Variants in TRAF2 observed in about 807,000 individuals in gnomAD.
TRAF2 encodes TNF receptor-associated factor 2.
TRAF2 carries 6 observed loss-of-function variants against 55.6 expected under a neutral mutation model. That is an observed-to-expected ratio of 0.11 (90% CI 0.06 to 0.21). The LOEUF is 0.21. TRAF2 is among the 10% of genes least tolerant of loss of function. TRAF2 has a pLI of 1.00. For synonymous variants in TRAF2, 329 were observed against 276.3 expected (o/e 1.19, Z -1.89); for missense variants, 561 against 684.5 (o/e 0.82, Z 2.01).
upstream of TRAF2, among the ~76,000 whole-genome samples, chr9:136,885,194 T>C (rs1054460855): frequency 3.9e-5 from 6 of 152,174 alleles, no homozygotes; most frequent in Admixed American, 6.6e-5. Flanking sequence ...GCGTGGCCTG[T>C]GTAAATTATG....
upstream of TRAF2, chr9:136,886,049 C>G (rs1047812785): frequency 2.6e-5 from 4 of 152,236 alleles, no homozygotes; most frequent in Non-Finnish European, 5.9e-5. Flanking sequence ...CCGCGCGCGA[C>G]GCGCGCCTCG....
intron 1 of TRAF2, among the ~76,000 whole-genome samples, chr9:136,895,749 T>C (rs1849665995): frequency 1.3e-5 from 2 of 150,240 alleles, no homozygotes; most frequent in African/African-American, 4.9e-5. Context: ...CTTGGGAGGC[T>C]GAAGCATGAG....
chr9:136,922,453 G>C, intron 9 of TRAF2: 1 of 152,856 alleles, frequency 6.5e-6, no homozygotes, highest in South Asian at 2.0e-4. Flanking sequence ...GCATTGTGGA[G>C]GCCCTGCCAC....
intron 9 of TRAF2, among the ~76,000 whole-genome samples, chr9:136,922,104 G>A (rs560661032): frequency 6.6e-6 from 1 of 152,324 alleles, no homozygotes; most frequent in South Asian, 2.1e-4. Context: ...AGCACTGGGG[G>A]CCATGGCAGT....
At chr9:136,925,412 T>G (rs919676220) in intron 10 of TRAF2, among the ~76,000 whole-genome samples, 1 of 152,248 alleles carries the variant, frequency 6.6e-6, no homozygotes, top group Non-Finnish European at 1.5e-5. Flanking sequence ...AGCTTTAGTC[T>G]AGGACTCCAG....
In TRAF2 at chr9:136,911,024, G is replaced by A. The variant is rs1031701874; in HGVS notation, c.603+1030G>A. On this transcript the variant is annotated intron_variant, in intron 6 of 10. Coordinates refer to ENST00000247668, the MANE Select transcript of TRAF2 (RefSeq NM_021138.4). The stretch of plus-strand genomic sequence containing the variant: ...GTGAGGCTGTGTCCCCTGCTGGTGG[G>A]GCCTGGAGGTGCCCCCGAGAGGTGC... 6.6e-5 allele frequency among the ~76,000 whole-genome samples: 10 copies of A among 152,242 alleles called. 1 individual carries two copies. In the East Asian group the frequency reaches 1.9e-3, roughly 29 times the overall value.
intron 8 of TRAF2, 127 bp from the exon 9 acceptor site, chr9:136,920,911 A>G (rs996588588): frequency 7.8e-5 from 90 of 1,158,646 alleles, no homozygotes; most frequent in Non-Finnish European, 9.8e-5. Flanking sequence ...CAGGGAGTGG[A>G]CATGAGAAAC....
Position 136,924,905 on chromosome 9 carries a change from A to AT in TRAF2, c.1288-773dup, listed in dbSNP as rs1185995465. Among the ~76,000 whole-genome samples, 5 of 151,996 alleles carry AT rather than the reference A, an allele frequency of 3.3e-5. No homozygotes were observed. In the East Asian group the frequency reaches 7.8e-4, roughly 24 times the overall value. The stretch of plus-strand genomic sequence containing the variant: ...AGGCATGCACCACCACGCCCAGCTA[A>AT]TTTTTGTATTTTTAGTAGAGATGGG... On this transcript the variant is annotated intron_variant, in intron 10 of 10. Coordinates refer to ENST00000247668, the MANE Select transcript of TRAF2 (RefSeq NM_021138.4).
At chr9:136,896,524 G>A (rs1419527883) in intron 1 of TRAF2, among the ~76,000 whole-genome samples, 1 of 152,234 alleles carries the variant, frequency 6.6e-6, no homozygotes, top group African/African-American at 2.4e-5. Flanking sequence ...GAAGTTCCTT[G>A]TGCTTGATAG....
intron 1 of TRAF2, among the ~76,000 whole-genome samples, chr9:136,888,720 A>C (rs1041286660): frequency 1.1e-4 from 17 of 152,208 alleles, no homozygotes; most frequent in African/African-American, 3.1e-4. Context: ...CACCGATGCC[A>C]CCAAACCATG....
At position 136,920,294 on chromosome 9, in the gene TRAF2, C is replaced by G. The variant is rs757737179; in HGVS notation, c.739C>G (p.Leu247Val). 1.2e-6 allele frequency: 2 copies of G among 1,613,802 alleles called. No homozygotes were observed. Among genetic ancestry groups the G allele is most frequent in the Non-Finnish European group, 1.7e-6 (2 of 1,180,026 alleles). ...VQWLREHLAM[L>V]LSSVLEAKPL... ...GTGGCTGCGGGAGCACCTGGCCATG[C>G]TACTGAGCTCGGTGCTGGAGGCAAA... The change falls in exon 8 of 11, where the codon CTA becomes GTA. Residue 247 changes from leucine to valine, a missense_variant. By Grantham distance (32) the Leu-to-Val change is conservative. This residue lies in a region of TRAF2 where 426 missense variants were observed against 476.8 expected (regional missense o/e 0.89). Transcript: ENST00000247668.
intron 3 of TRAF2, 97 bp downstream of exon 3, chr9:136,899,769 A>C (rs1683736372): frequency 8.3e-7 from 1 of 1,211,358 alleles, no homozygotes; most frequent in Non-Finnish European, 1.2e-6. Flanking sequence ...TCACACCTGT[A>C]ATCCCAGCAC....
At chr9:136,905,384 CAG>C (rs1342413973) in intron 4 of TRAF2, among the ~76,000 whole-genome samples, 12 of 152,282 alleles carry the variant, frequency 7.9e-5, no homozygotes, top group African/African-American at 2.2e-4. Flanking sequence ...AATTCACTGA[CAG>C]AGTCCCCGGA....
At chr9:136,914,731 G>A (rs17244096) in intron 6 of TRAF2, among the ~76,000 whole-genome samples, 93 of 152,254 alleles carry the variant, frequency 6.1e-4, no homozygotes, top group African/African-American at 2.0e-3. Flanking sequence ...ATGTGATGAC[G>A]AAGTTCTCTT....
At chr9:136,900,590 A>G (rs1318633213) in intron 4 of TRAF2, 70 bp downstream of exon 4, 1 of 1,268,254 alleles carries the variant, frequency 7.9e-7, no homozygotes, top group East Asian at 2.4e-5. Flanking sequence ...CTCCCCAAGC[A>G]GTTATGACCT....
intron 4 of TRAF2, among the ~76,000 whole-genome samples, chr9:136,903,423 G>A (rs1421650371): frequency 6.6e-6 from 1 of 152,180 alleles, no homozygotes; most frequent in Non-Finnish European, 1.5e-5. Flanking sequence ...GCAGCGGAAA[G>A]GCCAGGAAAA....
chr9:136,894,047 CT>C lies in TRAF2; in HGVS notation c.-28-4649del, dbSNP rs11415604. On this transcript the variant is annotated intron_variant, in intron 1 of 10. Coordinates refer to ENST00000247668, the MANE Select transcript of TRAF2 (RefSeq NM_021138.4). ...ACAGGTGTGAGCCACTGCGCCTGGCCTTTTTTTTTTTTTTTTTGAAATGGAG... is the reference window on the plus strand; with the variant it reads ...ACAGGTGTGAGCCACTGCGCCTGGCCTTTTTTTTTTTTTTTTGAAATGGAG... 4.7e-3 allele frequency among the ~76,000 whole-genome samples: 545 copies of C among 116,792 alleles called. 5 individuals are homozygous for C. The highest frequency in any genetic ancestry group is 0.016 in the African/African-American group (483 of 29,498). 76.6% of individuals were successfully genotyped at this position (116,792 alleles called of 152,430 possible). A position where few individuals can be genotyped will look rare whatever the true frequency, so the allele number is the denominator to read the frequency against.
Position 136,922,059 on chromosome 9 carries a change from T to C in TRAF2, c.1138+844T>C, listed in dbSNP as rs143628183. ...GCCGAGATGCTGTAGGCACCTTTCC[T>C]GTTTGAATTTAGCCTGGCACTGCTC... On this transcript the variant is annotated intron_variant, in intron 9 of 10. Transcript: ENST00000247668. 2.7e-4 allele frequency among the ~76,000 whole-genome samples: 41 copies of C among 152,372 alleles called. No homozygotes were observed. The East Asian group carries it at 5.8e-3, about 21-fold the overall frequency.
At position 136,920,324 on chromosome 9, in the gene TRAF2, C is replaced by G. The variant is rs970625217; in HGVS notation, c.769C>G (p.Leu257Val). 9 of 1,613,912 alleles carry G rather than the reference C, an allele frequency of 5.6e-6. No individual in the cohort carries two copies. Among genetic ancestry groups the G allele is most frequent in the African/African-American group, 2.7e-5 (2 of 74,938 alleles). Reference sequence around the variant, plus strand: ...GAGCTCGGTGCTGGAGGCAAAGCCCCTCTTGGGAGACCAGAGCCACGCGGG... The same window carrying G: ...GAGCTCGGTGCTGGAGGCAAAGCCCGTCTTGGGAGACCAGAGCCACGCGGG... ...LLSSVLEAKPLLGDQSHAGSE... is the reference protein window; with the variant it reads ...LLSSVLEAKPVLGDQSHAGSE... The change falls in exon 8 of 11, where the codon CTC (leucine) becomes GTC (valine). Residue 257 changes from leucine to valine, a missense_variant. Coordinates refer to ENST00000247668, the MANE Select transcript of TRAF2 (RefSeq NM_021138.4).
Sources: allele counts gnomAD v4.1 joint callset (sites outside exome capture counted in the v4.1 genomes callset), GRCh38; gene constraint gnomAD v4.1.1; regional missense constraint gnomAD v4.1.1; transcripts MANE v1.5; gene names NCBI Gene and HGNC (gene_info 2026-07-23, HGNC 2026-07-21).